KIAA1210: variants seen among roughly 807,000 people sequenced by gnomAD.
The protein encoded by KIAA1210 is KIAA1210, also known as acrosomal protein KIAA1210.
Under a neutral mutation model 78.9 loss-of-function variants are expected in KIAA1210, and 48 were observed. The ratio of observed to expected loss-of-function variants is 0.61; its 90% CI spans 0.48 to 0.77. The LOEUF (loss-of-function observed/expected upper bound fraction) is 0.77. KIAA1210 is among the 30% of genes least tolerant of loss of function. The pLI, the probability that KIAA1210 is intolerant of heterozygous loss-of-function variation, is 0.00. For missense variants in KIAA1210, 1,108 were observed against 1,100.0 expected (o/e 1.01, Z -0.10); for synonymous variants, 406 against 404.5 (o/e 1.00, Z -0.04).
intron 2 of KIAA1210, among the ~76,000 whole-genome samples, chrX:119,140,213 A>C (rs1929015320): frequency 9.0e-6 from 1 of 111,603 alleles, no homozygotes; most frequent in Admixed American, 9.5e-5. Flanking sequence ...TTGTTTAGAA[A>C]CCAAAGCTAT....
At chrX:119,086,422 C>T (rs1370499207) in intron 9 of KIAA1210, 124 bp downstream of exon 9, 2 of 657,781 alleles carry the variant, frequency 3.0e-6, no homozygotes, top group African/African-American at 4.4e-5. Context: ...AACTCATAAA[C>T]CAGCCCTATC....
At chrX:119,142,774 CAAAAAAAAAAAA>C (rs11439597) in intron 2 of KIAA1210, among the ~76,000 whole-genome samples, 1 of 38,801 alleles carries the variant, frequency 2.6e-5, no homozygotes, top group East Asian at 1.1e-3. Context: ...GACTCCATCT[CAAAAAAAAAAAA>C]AAAAAAAAAA....
At chrX:119,112,811 C>T (rs959096392) in intron 3 of KIAA1210, among the ~76,000 whole-genome samples, 29 of 111,721 alleles carry the variant, frequency 2.6e-4, no homozygotes, top group African/African-American at 8.1e-4. Flanking sequence ...AAATATATAA[C>T]GGCCATTTGA....
At chrX:119,085,232 A>G (rs896517121) in intron 10 of KIAA1210, 151 bp downstream of exon 10, 2 of 542,846 alleles carry the variant, frequency 3.7e-6, no homozygotes, top group Non-Finnish European at 6.0e-6. Context: ...TATAAATACA[A>G]AGCAAGTCTT....
In KIAA1210 at chrX:119,089,328, T is replaced by C. The variant is rs371593972; in HGVS notation, c.1374A>G (p.Ala458=). ...IDFGSRKASA[A]QPIPENMDNS... ...TGTCCATGTTTTCAGGTATGGGCTG[T>C]GCTGCTGATGCTTTTCTGGATCCGA... Residue 458 remains alanine, a synonymous_variant, in exon 9 of 12, where the codon GCA becomes GCG. Transcript: ENST00000691062. The C allele has an allele frequency of 1.7e-4, 200 of 1,210,169 alleles. No individual in the cohort carries two copies. The highest frequency in any genetic ancestry group is 2.1e-4 in the Non-Finnish European group (189 of 895,164).
At chrX:119,085,891 AGAAAAATCTTT>A (rs981204770) in intron 9 of KIAA1210, among the ~76,000 whole-genome samples, 5 of 113,000 alleles carry the variant, frequency 4.4e-5, no homozygotes, top group African/African-American at 6.4e-5. Flanking sequence ...TCTAACTCCT[AGAAAAATCTTT>A]GAAAAATCTT....
intron 2 of KIAA1210, among the ~76,000 whole-genome samples, chrX:119,143,115 T>C (rs1327909722): frequency 8.9e-6 from 1 of 112,713 alleles, no homozygotes; most frequent in Non-Finnish European, 1.9e-5. Context: ...CAGAAGGTTT[T>C]CCTCCCCATG....
intron 6 of KIAA1210, among the ~76,000 whole-genome samples, chrX:119,104,070 G>T (rs2147180701): frequency 8.9e-6 from 1 of 112,225 alleles, no homozygotes; most frequent in Admixed American, 9.4e-5. Context: ...TCACTGAATT[G>T]TATACTTTAA....
exon 2 of KIAA1210, chrX:119,147,499 G>A (rs1929194661): frequency 2.5e-6 from 3 of 1,211,492 alleles, no homozygotes; most frequent in African/African-American, 1.7e-5. Context: ...CTTGGAGTAG[G>A]AGAAGCTGAC....
Position 119,105,047 on chromosome X carries a change from G to A in KIAA1210, c.593C>T (p.Ser198Leu), listed in dbSNP as rs140434991. 19,233 of 1,207,125 alleles carry A rather than the reference G, an allele frequency of 0.016. 136 individuals are homozygous for A. Among genetic ancestry groups the A allele is most frequent in the Middle Eastern group, 0.032 (140 of 4,345 alleles). The change falls in exon 6 of 12, where the codon TCA becomes TTA. Residue 198 changes from serine (S) to leucine (L), a missense_variant. By Grantham distance (145) the Ser-to-Leu change is moderately radical. This residue lies in a region of KIAA1210 where 672 missense variants were observed against 607.1 expected (regional missense o/e 1.11). Transcript: ENST00000691062. ...NLVEISLDDESPKNPQKKALP... is the reference protein window; with the variant it reads ...NLVEISLDDELPKNPQKKALP... ...AGCCTTCTTTTGTGGATTCTTAGGT[G>A]ACTCATCATCGAGAGAGATTTCTAC... is the stretch of plus-strand genomic sequence containing the variant.
At position 119,119,101 on chromosome X, in the gene KIAA1210, G is replaced by A. The variant is rs148226957; in HGVS notation, c.62-2437C>T. ...ACACTGGCCCTTATAAGGAGTTGAT[G>A]CAAATTATAGATGACATAGGTAAAG... On this transcript the variant is annotated intron_variant, in intron 2 of 11. Coordinates refer to ENST00000691062, the MANE Select transcript of KIAA1210 (RefSeq NM_001394962.1). Among the ~76,000 whole-genome samples, 844 of 112,443 alleles carry A rather than the reference G, an allele frequency of 7.5e-3. 12 individuals carry two copies. Among genetic ancestry groups the A allele is most frequent in the Admixed American group, 0.063 (672 of 10,605 alleles).
chrX:119,104,914 G>A (rs1299460230), intron 6 of KIAA1210, 78 bp downstream of exon 6: 15 of 965,012 alleles, frequency 1.6e-5, no homozygotes, highest in African/African-American at 6.0e-5. Context: ...GAGCTCCAGC[G>A]GGAGAATAGA....
chrX:119,102,327 C>G lies in KIAA1210; in HGVS notation c.648+2665G>C, dbSNP rs1028785851. Among the ~76,000 whole-genome samples, 4 of 112,253 alleles carry G rather than the reference C, an allele frequency of 3.6e-5. No individual in the cohort carries two copies. The East Asian group carries it at 8.3e-4, about 23-fold the overall frequency. ...ATTTGTATACAATCATGGGAGGGAG[C>G]ATTATGTTCTCCTTTGATGTATTAG... On this transcript the variant is annotated intron_variant, in intron 6 of 11. Coordinates refer to ENST00000691062, the MANE Select transcript of KIAA1210 (RefSeq NM_001394962.1).
At chrX:119,095,895 A>G (rs1180505009) in intron 7 of KIAA1210, among the ~76,000 whole-genome samples, 1 of 111,586 alleles carries the variant, frequency 9.0e-6, no homozygotes, top group African/African-American at 3.3e-5. Flanking sequence ...ATGGCCCCAG[A>G]TTGTTTCTGT....
chrX:119,147,176 G>A (rs1386847153), intron 2 of KIAA1210, among the ~76,000 whole-genome samples: 1 of 111,168 alleles, frequency 9.0e-6, no homozygotes, highest in Non-Finnish European at 1.9e-5. Flanking sequence ...GGTTGCAGAT[G>A]CTATGGGAAG....
Position 119,089,381 on chromosome X carries a change from T to C in KIAA1210, c.1321A>G (p.Met441Val), listed in dbSNP as rs373587746. ...TCTATGCCAGCATTTCTCCTTCCCA[T>C]GTCATCTTTATCTGAAAGCAACCCC... is the stretch of plus-strand genomic sequence containing the variant. ...PQGLLSDKDD[M>V]GRRNAGIDFG... is the part of the protein sequence containing the mutation. The change falls in exon 9 of 12, where the codon ATG (methionine) becomes GTG (valine). Residue 441 changes from methionine to valine, a missense_variant. Around this residue, in one of 5 missense-constraint regions of KIAA1210, gnomAD observed 672 missense variants for 607.1 expected, o/e 1.11. Transcript: ENST00000691062. 5.8e-6 allele frequency: 7 copies of C among 1,211,835 alleles called. No individual in the cohort carries two copies. The highest frequency in any genetic ancestry group is 7.8e-6 in the Non-Finnish European group (7 of 895,468).
chrX:119,138,726 G>C (rs1194915343), intron 2 of KIAA1210, among the ~76,000 whole-genome samples: 1 of 111,828 alleles, frequency 8.9e-6, no homozygotes, highest in Non-Finnish European at 1.9e-5. Flanking sequence ...GAAAAGAAAA[G>C]TGGCAGTGAA....
chrX:119,128,954 C>T (rs1034629060), upstream of KIAA1210, among the ~76,000 whole-genome samples: 23 of 112,479 alleles, frequency 2.0e-4, no homozygotes, highest in Middle Eastern at 4.6e-3. Context: ...GGATTACTGG[C>T]GTGAGCCACT....
At chrX:119,142,957 A>G (rs1363875896) in intron 2 of KIAA1210, among the ~76,000 whole-genome samples, 1 of 110,946 alleles carries the variant, frequency 9.0e-6, no homozygotes, top group Non-Finnish European at 1.9e-5. Context: ...CTTCACCTTC[A>G]ACACTGGGGA....
Sources: allele counts gnomAD v4.1 joint callset (sites outside exome capture counted in the v4.1 genomes callset), GRCh38; gene constraint gnomAD v4.1.1; regional missense constraint gnomAD v4.1.1; transcripts MANE v1.5; gene names NCBI Gene and HGNC (gene_info 2026-07-23, HGNC 2026-07-21).